Variants in CMPK1 observed in about 807,000 individuals in gnomAD.
CMPK1 encodes the protein UMP-CMP kinase.
Under a neutral mutation model 25.7 loss-of-function variants are expected in CMPK1, and 10 were observed. That is an observed-to-expected ratio of 0.39 (90% CI 0.24 to 0.66). The LOEUF is 0.66. Among genes scored for constraint, CMPK1 ranks in the 30% least tolerant of loss-of-function variants. The pLI, the probability that CMPK1 is intolerant of heterozygous loss-of-function variation, is 0.48. For synonymous variants in CMPK1, 106 were observed against 101.5 expected (o/e 1.04, Z -0.27); for missense variants, 199 against 280.5 (o/e 0.71, Z 2.08).
chr1:47,340,206 G>A (rs1045969072), intron 1 of CMPK1, among the ~76,000 whole-genome samples: 1 of 151,400 alleles, frequency 6.6e-6, no homozygotes, highest in African/African-American at 2.4e-5. Context: ...TTCCACCTCA[G>A]CCTCCCAAGT....
chr1:47,370,811 C>T lies in CMPK1; in HGVS notation c.319-2144C>T, dbSNP rs1455566095. 9.4e-5 allele frequency among the ~76,000 whole-genome samples: 14 copies of T among 148,834 alleles called. No homozygotes were observed. In the East Asian group the frequency reaches 2.4e-3, roughly 25 times the overall value. ...AAAAAAAAAAAAAAAATTAGTCGGCCGTGGTGGCAGGCACCTGTAATCCCA... is the reference window on the plus strand; with the variant it reads ...AAAAAAAAAAAAAAAATTAGTCGGCTGTGGTGGCAGGCACCTGTAATCCCA... On this transcript the variant is annotated intron_variant, in intron 2 of 5. Coordinates refer to ENST00000371873, the MANE Select transcript of CMPK1 (RefSeq NM_016308.3).
At chr1:47,355,696 T>C (rs1272084901) in intron 1 of CMPK1, among the ~76,000 whole-genome samples, 1 of 151,838 alleles carries the variant, frequency 6.6e-6, no homozygotes, top group Admixed American at 6.6e-5. Context: ...AATCTCTGCT[T>C]CCCGAGTTCA....
intron 1 of CMPK1, among the ~76,000 whole-genome samples, chr1:47,342,615 G>C (rs1468106315): frequency 1.3e-5 from 2 of 148,974 alleles, no homozygotes; most frequent in Non-Finnish European, 1.5e-5. Flanking sequence ...TATTTTCTGA[G>C]ATTTTTGAGA....
At chr1:47,338,151 G>A (rs911972262) in intron 1 of CMPK1, among the ~76,000 whole-genome samples, 7 of 152,120 alleles carry the variant, frequency 4.6e-5, no homozygotes, top group African/African-American at 1.7e-4. Context: ...TTAGTATGTT[G>A]ATTTCCAACT....
rs555237904 is a variant in CMPK1, at chr1:47,363,872, G to A, written c.172-4597G>A. Among the ~76,000 whole-genome samples the A allele has an allele frequency of 6.6e-5, 10 of 152,252 alleles. No individual in the cohort carries two copies. The East Asian group carries it at 7.7e-4, about 12-fold the overall frequency. ...GCAGGAGAATCGCTTGAACCTGGGA[G>A]GCAGAGGTTGCAGTGAGCCAGGATT... is the stretch of plus-strand genomic sequence containing the variant. On this transcript the variant is annotated intron_variant, in intron 1 of 5. Coordinates refer to ENST00000371873, the MANE Select transcript of CMPK1 (RefSeq NM_016308.3).
intron 1 of CMPK1, among the ~76,000 whole-genome samples, chr1:47,351,905 G>T (rs148917861): frequency 0.025 from 3,828 of 152,118 alleles, 187 homozygotes; most frequent in African/African-American, 0.088. Context: ...GGAGGCTAAG[G>T]CAGGTGGATC....
intron 1 of CMPK1, among the ~76,000 whole-genome samples, chr1:47,349,078 A>G (rs1264581483): frequency 6.6e-6 from 1 of 152,220 alleles, no homozygotes; most frequent in African/African-American, 2.4e-5. Context: ...GGTCAGAATC[A>G]GGCTGAATCA....
intron 1 of CMPK1, among the ~76,000 whole-genome samples, chr1:47,345,158 T>C (rs912937537): frequency 6.6e-6 from 1 of 152,152 alleles, no homozygotes; most frequent in African/African-American, 2.4e-5. Context: ...CCTCAGGTGA[T>C]CCGCCTGCTT....
chr1:47,359,386 CTTTTTTTTTTT>C (rs71053107), intron 1 of CMPK1, among the ~76,000 whole-genome samples: 2 of 102,742 alleles, frequency 1.9e-5, no homozygotes, highest in Non-Finnish European at 1.8e-5. Flanking sequence ...AACCTTTTTT[CTTTTTTTTTTT>C]TTTTTTTTGA....
At chr1:47,351,665 T>C (rs1447264612) in intron 1 of CMPK1, among the ~76,000 whole-genome samples, 1 of 152,238 alleles carries the variant, frequency 6.6e-6, no homozygotes, top group Non-Finnish European at 1.5e-5. Context: ...CTAAACTATT[T>C]TCCACAGGAG....
intron 1 of CMPK1, among the ~76,000 whole-genome samples, chr1:47,359,538 C>G (rs891359177): frequency 6.6e-6 from 1 of 151,130 alleles, no homozygotes; most frequent in Non-Finnish European, 1.5e-5. Flanking sequence ...CAGGTGCCCG[C>G]CACCACGCCT....
In CMPK1 at chr1:47,369,571, T is replaced by TC. The variant is rs1293496860; in HGVS notation, c.318+956_318+957insC. On this transcript the variant is annotated intron_variant, in intron 2 of 5. Coordinates refer to ENST00000371873, the MANE Select transcript of CMPK1 (RefSeq NM_016308.3). ...CCTTTTTTCTTTTTTGCTTGCTTTC[T>TC]TTTTTTTTTGAGATAGAGTCTCGCT... Among the ~76,000 whole-genome samples, 11 of 149,888 alleles carry TC rather than the reference T, an allele frequency of 7.3e-5. No individual in the cohort carries two copies. In the East Asian group the frequency reaches 1.4e-3, roughly 18 times the overall value.
At chr1:47,358,570 A>C in intron 1 of CMPK1, 1 of 1,010,292 alleles carries the variant, frequency 9.9e-7, no homozygotes, top group East Asian at 1.1e-4. Context: ...TCTAAGAAAG[A>C]TTAAACAAAT....
chr1:47,352,068 C>T (rs1250970277), intron 1 of CMPK1, among the ~76,000 whole-genome samples: 2 of 152,130 alleles, frequency 1.3e-5, no homozygotes, highest in Non-Finnish European at 2.9e-5. Flanking sequence ...ACCCAGGAGG[C>T]GGAGGTTGCA....
Position 47,333,929 on chromosome 1 carries a change from C to T in CMPK1, c.-17C>T, listed in dbSNP as rs749061210. The T allele has an allele frequency of 4.5e-6, 6 of 1,347,708 alleles. No individual in the cohort carries two copies. Among genetic ancestry groups the T allele is most frequent in the Non-Finnish European group, 3.9e-6 (4 of 1,034,752 alleles). The allele number at this position is 1,347,708 out of a possible 1,614,324, so 83.5% of individuals were successfully genotyped here. A position where few individuals can be genotyped will look rare whatever the true frequency, so the allele number is the denominator to read the frequency against. ...GGCCGCTGTCAGCTCCCTCAGCGTC[C>T]GGCCGAGGCGCGGTGTATGCTGAGC... On this transcript the variant is annotated 5_prime_UTR_variant, in exon 1 of 6. Coordinates refer to ENST00000371873, the MANE Select transcript of CMPK1 (RefSeq NM_016308.3).
chr1:47,343,518 A>C (rs1177186577), intron 1 of CMPK1, among the ~76,000 whole-genome samples: 1 of 151,142 alleles, frequency 6.6e-6, no homozygotes, highest in Non-Finnish European at 1.5e-5. Context: ...AAAAAAAAAA[A>C]AGTCTCAAAA....
intron 1 of CMPK1, among the ~76,000 whole-genome samples, chr1:47,357,764 T>C (rs112156283): frequency 4.0e-4 from 61 of 152,082 alleles, no homozygotes; most frequent in Admixed American, 1.6e-3. Flanking sequence ...GGGTTAAAGA[T>C]GTGAGCCACT....
In CMPK1 at chr1:47,333,826, G is replaced by A. The variant is rs559876774; in HGVS notation, c.-120G>A. On this transcript the variant is annotated 5_prime_UTR_variant, in exon 1 of 6. Transcript: ENST00000371873. ...GGGCCGCGGACGCCCGGGCAGCCAC[G>A]GCGGCGGGGCCGCGGCGGGCGCCGG... 54 of 543,210 alleles carry A rather than the reference G, an allele frequency of 9.9e-5. No homozygotes were observed. In the South Asian group the frequency reaches 2.2e-3, roughly 22 times the overall value. 33.6% of individuals were successfully genotyped at this position (543,210 alleles called of 1,614,324 possible).
chr1:47,363,425 C>G (rs1570373087), intron 1 of CMPK1, among the ~76,000 whole-genome samples: 1 of 151,992 alleles, frequency 6.6e-6, no homozygotes, highest in South Asian at 2.1e-4. Context: ...GTCAGGAGTT[C>G]AAGACCAGCC....
Sources: gnomAD v4.1 joint callset for allele counts (sites outside exome capture counted in the v4.1 genomes callset) on GRCh38, gnomAD v4.1.1 for gene constraint, MANE v1.5 for transcripts, NCBI Gene and HGNC (gene_info 2026-07-23, HGNC 2026-07-21) for gene names.